Variants in OPCML observed in about 807,000 individuals in gnomAD.
The protein encoded by OPCML is opioid binding protein/cell adhesion molecule like, also known as opioid-binding protein/cell adhesion molecule.
A neutral mutation model predicts 37.8 loss-of-function variants in OPCML; 13 were observed. The observed-to-expected ratio is 0.34, with a 90% CI of 0.22 to 0.55. The LOEUF (loss-of-function observed/expected upper bound fraction) is 0.55, where lower values mean the gene tolerates loss of function less well. Ranked by LOEUF, OPCML falls within the 20% of genes least tolerant of loss-of-function variation. The pLI, the probability that OPCML is intolerant of heterozygous loss-of-function variation, is 0.91. For missense variants in OPCML, 341 were observed against 435.6 expected (o/e 0.78, Z 1.93); for synonymous variants, 176 against 168.8 (o/e 1.04, Z -0.33).
intron 2 of OPCML, among the ~76,000 whole-genome samples, chr11:132,675,300 T>C (rs771917401): frequency 6.6e-6 from 1 of 151,942 alleles, no homozygotes. Context: ...ATTTCACTTT[T>C]ATTTACAAAA....
chr11:133,331,366 C>T (rs542470173), intron 1 of OPCML, among the ~76,000 whole-genome samples: 1 of 152,296 alleles, frequency 6.6e-6, no homozygotes, highest in South Asian at 2.1e-4. Flanking sequence ...GCTCCCACCC[C>T]AGTCCTCTCT....
intron 2 of OPCML, among the ~76,000 whole-genome samples, chr11:132,808,820 T>C (rs1939165051): frequency 6.6e-6 from 1 of 152,160 alleles, no homozygotes; most frequent in Non-Finnish European, 1.5e-5. Context: ...TAATAGGCTC[T>C]CAAACCTGCA....
At chr11:133,222,253 C>T (rs1027997008) in intron 1 of OPCML, among the ~76,000 whole-genome samples, 9 of 152,154 alleles carry the variant, frequency 5.9e-5, no homozygotes, top group Admixed American at 5.2e-4. Context: ...AAGCTGCAGC[C>T]ATACAGGCCA....
At chr11:132,801,001 AC>A (rs1413720990) in intron 2 of OPCML, among the ~76,000 whole-genome samples, 4 of 152,186 alleles carry the variant, frequency 2.6e-5, no homozygotes, top group African/African-American at 9.6e-5. Context: ...GAAACAATTC[AC>A]CAGTAAAGCC....
At chr11:132,879,943 C>T (rs1943164777) in intron 2 of OPCML, among the ~76,000 whole-genome samples, 2 of 152,174 alleles carry the variant, frequency 1.3e-5, no homozygotes, top group Admixed American at 1.3e-4. Context: ...GATAAAGTTA[C>T]ATTTCAGACA....
intron 1 of OPCML, among the ~76,000 whole-genome samples, chr11:133,218,322 T>C (rs574215432): frequency 6.6e-6 from 1 of 152,190 alleles, no homozygotes; most frequent in African/African-American, 2.4e-5. Flanking sequence ...AGAGGAGAAT[T>C]ACAGTTTGTG....
At chr11:133,400,897 A>G (rs1945388945) in intron 1 of OPCML, among the ~76,000 whole-genome samples, 2 of 152,216 alleles carry the variant, frequency 1.3e-5, no homozygotes, top group South Asian at 4.1e-4. Flanking sequence ...CAAAAATGCC[A>G]TGCAATCAAA....
chr11:132,495,894 CAAA>C (rs202115452), intron 4 of OPCML, among the ~76,000 whole-genome samples: 59 of 100,066 alleles, frequency 5.9e-4, no homozygotes, highest in South Asian at 1.5e-3. Context: ...GACTCCATCT[CAAA>C]AAAAAAAAAA....
chr11:133,112,819 C>T (rs985631), intron 1 of OPCML, among the ~76,000 whole-genome samples: 53,776 of 151,978 alleles, frequency 0.35, 11,452 homozygotes, highest in East Asian at 0.51. Flanking sequence ...TAAAGGACAC[C>T]GAGAAACTCT....
chr11:133,222,472 G>C (rs897131779), intron 1 of OPCML, among the ~76,000 whole-genome samples: 1 of 152,146 alleles, frequency 6.6e-6, no homozygotes, highest in African/African-American at 2.4e-5. Flanking sequence ...CCTCACTGAC[G>C]GGCTGCAGCC....
intron 1 of OPCML, among the ~76,000 whole-genome samples, chr11:133,146,318 T>C (rs1313490656): frequency 4.3e-5 from 6 of 141,170 alleles, no homozygotes; most frequent in East Asian, 4.2e-4. Context: ...TTTTCTTTTT[T>C]TTTTTTTTTT....
At chr11:133,128,103 T>C (rs577629561) in intron 1 of OPCML, among the ~76,000 whole-genome samples, 1 of 151,968 alleles carries the variant, frequency 6.6e-6, no homozygotes, top group South Asian at 2.1e-4. Flanking sequence ...TTAGTCCTGA[T>C]ACTCTTTACC....
chr11:132,858,228 T>C (rs1289615019), intron 2 of OPCML, among the ~76,000 whole-genome samples: 1 of 152,212 alleles, frequency 6.6e-6, no homozygotes, highest in Non-Finnish European at 1.5e-5. Flanking sequence ...GCTCTGGGGT[T>C]GTCACCAAAA....
Position 133,141,036 on chromosome 11 carries a change from C to T in OPCML, c.62-198026G>A, listed in dbSNP as rs142339679. 1.1e-3 allele frequency among the ~76,000 whole-genome samples: 7 copies of T among 6,580 alleles called. 1 individual carries two copies. The highest frequency in any genetic ancestry group is 2.0e-3 in the African/African-American group (7 of 3,498). The allele number at this position is 6,580 out of a possible 152,430, so 4.3% of individuals were successfully genotyped here. A position where few individuals can be genotyped will look rare whatever the true frequency, so the allele number is the denominator to read the frequency against. ...ACGACGACGACGACGACGACGACGA[C>T]GACGACGACGACGAAGAAGAAGAAG... On this transcript the variant is annotated intron_variant, in intron 1 of 7. Coordinates refer to ENST00000524381, the MANE Select transcript of OPCML (RefSeq NM_001012393.5).
chr11:132,484,746 T>G (rs1273520912), intron 4 of OPCML, among the ~76,000 whole-genome samples: 1 of 152,080 alleles, frequency 6.6e-6, no homozygotes, highest in Non-Finnish European at 1.5e-5. Context: ...CCATAAAAAA[T>G]GATGAGTTCA....
At chr11:132,633,480 C>T (rs533539640) in intron 3 of OPCML, among the ~76,000 whole-genome samples, 87 of 152,232 alleles carry the variant, frequency 5.7e-4, no homozygotes, top group Middle Eastern at 6.8e-3. Context: ...TATATCTTTA[C>T]GTAAGCAAAT....
At chr11:132,957,112 C>T (rs1945991225) in intron 1 of OPCML, among the ~76,000 whole-genome samples, 1 of 152,272 alleles carries the variant, frequency 6.6e-6, no homozygotes, top group Middle Eastern at 3.4e-3. Flanking sequence ...GTCTGGGCAA[C>T]AAAGCAAGAC....
At chr11:133,101,105 A>G (rs2137072234) in intron 1 of OPCML, among the ~76,000 whole-genome samples, 1 of 152,130 alleles carries the variant, frequency 6.6e-6, no homozygotes, top group East Asian at 1.9e-4. Flanking sequence ...TTGTATTTTT[A>G]GTAGAGACGG....
chr11:132,824,816 C>T (rs1249878357), intron 2 of OPCML, among the ~76,000 whole-genome samples: 1 of 152,104 alleles, frequency 6.6e-6, no homozygotes, highest in African/African-American at 2.4e-5. Context: ...CCTCTGTGAC[C>T]CCATCTCACA....
Sources: allele counts gnomAD v4.1 joint callset (sites outside exome capture counted in the v4.1 genomes callset), GRCh38; gene constraint gnomAD v4.1.1; transcripts MANE v1.5; gene names NCBI Gene and HGNC (gene_info 2026-07-23, HGNC 2026-07-21).